NTM: variants seen among roughly 807,000 people sequenced by gnomAD.
NTM encodes neurotrimin.
A neutral mutation model predicts 42.1 loss-of-function variants in NTM; 13 were observed. The observed-to-expected ratio is 0.31, with a 90% CI of 0.20 to 0.49. The LOEUF is 0.49. Among genes scored for constraint, NTM ranks in the 20% least tolerant of loss-of-function variants. The probability of loss-of-function intolerance (pLI) is 0.99; values close to 1 mark genes in which losing one functional copy is unlikely to be tolerated. For synonymous variants in NTM, 187 were observed against 179.2 expected (o/e 1.04, Z -0.35); for missense variants, 373 against 452.8 (o/e 0.82, Z 1.60).
In NTM at chr11:132,334,279, G is replaced by A. The variant is rs78987000; in HGVS notation, c.968-767G>A. On this transcript the variant is annotated intron_variant, in intron 8 of 8. Coordinates refer to ENST00000683400, the MANE Select transcript of NTM (RefSeq NM_001352005.2). The stretch of plus-strand genomic sequence containing the variant: ...TGCAGTTCTCCTGCCTCCTGTGTTT[G>A]TCTCCATCTCCATACACTGGGGCAG... Among the ~76,000 whole-genome samples the A allele has an allele frequency of 1.7e-3, 257 of 152,352 alleles. 1 individual carries two copies. Among genetic ancestry groups the A allele is most frequent in the Middle Eastern group, 3.4e-3 (1 of 294 alleles).
At chr11:132,178,949 A>G (rs965929659) in intron 3 of NTM, among the ~76,000 whole-genome samples, 3 of 152,232 alleles carry the variant, frequency 2.0e-5, no homozygotes, top group African/African-American at 2.4e-5. Flanking sequence ...TCAGTTATTC[A>G]GTTCAAACAA....
intron 2 of NTM, among the ~76,000 whole-genome samples, chr11:132,020,576 T>C (rs961590894): frequency 2.0e-5 from 3 of 152,136 alleles, no homozygotes; most frequent in Admixed American, 6.5e-5. Context: ...TTTAGATTGA[T>C]AGTAACTAAA....
rs186758261 is a variant in NTM, at chr11:132,239,536, T to C, written c.526+27389T>C. On this transcript the variant is annotated intron_variant, in intron 4 of 8. Coordinates refer to ENST00000683400, the MANE Select transcript of NTM (RefSeq NM_001352005.2). ...ATGTTCATCTGCCCAAGCACCACCA[T>C]CATTGCATTTTACTGAGAGAGACAG... Among the ~76,000 whole-genome samples, 25 of 152,340 alleles carry C rather than the reference T, an allele frequency of 1.6e-4. No individual in the cohort carries two copies. In the East Asian group the frequency reaches 4.1e-3, roughly 25 times the overall value.
At chr11:131,640,609 T>G (rs1433067001) in intron 1 of NTM, among the ~76,000 whole-genome samples, 2 of 152,206 alleles carry the variant, frequency 1.3e-5, no homozygotes, top group Non-Finnish European at 2.9e-5. Flanking sequence ...GAGGCCACAC[T>G]TGCAGGATGT....
chr11:132,022,415 C>T (rs934319318), intron 2 of NTM, among the ~76,000 whole-genome samples: 3 of 152,124 alleles, frequency 2.0e-5, no homozygotes, highest in Non-Finnish European at 4.4e-5. Context: ...ATATTTGTAG[C>T]TTTGGGTGAT....
At chr11:131,560,242 G>A (rs1472875099) in intron 1 of NTM, among the ~76,000 whole-genome samples, 1 of 152,132 alleles carries the variant, frequency 6.6e-6, no homozygotes, top group Non-Finnish European at 1.5e-5. Flanking sequence ...CGGAAGGCTA[G>A]GAGGTTTTCC....
chr11:132,124,623 G>A lies in NTM; in HGVS notation c.168-21659G>A, dbSNP rs567903700. Among the ~76,000 whole-genome samples, 89 of 152,298 alleles carry A rather than the reference G, an allele frequency of 5.8e-4. 1 individual carries two copies. The South Asian group carries it at 0.018, about 30-fold the overall frequency. On this transcript the variant is annotated intron_variant, in intron 2 of 8. Transcript: ENST00000683400. ...ATTTTTTGTGTACGTGTGTGTGTGT[G>A]CGCGCGCACGCGCAGGGCGGGGTTG...
At chr11:131,982,136 C>T (rs1593380715) in intron 2 of NTM, among the ~76,000 whole-genome samples, 1 of 152,000 alleles carries the variant, frequency 6.6e-6, no homozygotes, top group Non-Finnish European at 1.5e-5. Context: ...CTAGGTTGCC[C>T]ATCTGCCCAA....
chr11:131,869,364 A>G (rs541679812), intron 1 of NTM, among the ~76,000 whole-genome samples: 75 of 152,302 alleles, frequency 4.9e-4, no homozygotes, highest in Admixed American at 1.4e-3. Context: ...GTGATTTACA[A>G]CAACTCCTTC....
At position 132,003,790 on chromosome 11, in the gene NTM, T is replaced by C. The variant is rs1593608078; in HGVS notation, c.167+92142T>C. Among the ~76,000 whole-genome samples the C allele has an allele frequency of 6.6e-6, 1 of 152,242 alleles. No homozygotes were observed. The highest frequency in any genetic ancestry group is 6.5e-5 in the Admixed American group (1 of 15,282). On this transcript the variant is annotated intron_variant, in intron 2 of 8. Transcript: ENST00000683400. This position sits in a 1 kb window ranked among gnomAD's most constrained non-coding sequence, Gnocchi z 6.0. ...AGAAATCCCTGAGCTTTACTTTTTCTGGACCTGCCACTTACAGAACCAGCT... is the reference window on the plus strand; with the variant it reads ...AGAAATCCCTGAGCTTTACTTTTTCCGGACCTGCCACTTACAGAACCAGCT...
chr11:131,381,600 T>A (rs1482156562), intron 1 of NTM, among the ~76,000 whole-genome samples: 5 of 152,198 alleles, frequency 3.3e-5, no homozygotes, highest in Non-Finnish European at 5.9e-5. Context: ...AATAATTTAA[T>A]AATTAAATCC....
At chr11:131,375,125 TG>T (rs1941783334) in intron 1 of NTM, among the ~76,000 whole-genome samples, 1 of 152,140 alleles carries the variant, frequency 6.6e-6, no homozygotes, top group African/African-American at 2.4e-5. Flanking sequence ...CATAGCTCCA[TG>T]GGGGACATGT....
At chr11:132,143,989 T>A (rs1391431670) in intron 2 of NTM, among the ~76,000 whole-genome samples, 1 of 112,024 alleles carries the variant, frequency 8.9e-6, no homozygotes, top group Non-Finnish European at 2.1e-5. Context: ...TTGGATCAGT[T>A]CAAACTTCAT....
At position 131,722,021 on chromosome 11, in the gene NTM, A is replaced by AAAAAAAAG. The variant is rs368857349; in HGVS notation, c.83-189542_83-189541insAAAAAAGA. Among the ~76,000 whole-genome samples, 4 of 112,746 alleles carry AAAAAAAAG rather than the reference A, an allele frequency of 3.5e-5. 1 individual carries two copies. The highest frequency in any genetic ancestry group is 1.0e-4 in the African/African-American group (3 of 29,372). The allele number at this position is 112,746 out of a possible 152,430, so 74.0% of individuals were successfully genotyped here. A position where few individuals can be genotyped will look rare whatever the true frequency, so the allele number is the denominator to read the frequency against. The stretch of plus-strand genomic sequence containing the variant: ...CAAAAAAAAAAAAAAAAAAAAAAAA[A>AAAAAAAAG]AGAGAGAAAGAAAGAAAATAATGCT... On this transcript the variant is annotated intron_variant, in intron 1 of 8. Coordinates refer to ENST00000683400, the MANE Select transcript of NTM (RefSeq NM_001352005.2).
intron 1 of NTM, among the ~76,000 whole-genome samples, chr11:131,436,670 CTCT>C (rs1161633295): frequency 6.6e-6 from 1 of 152,010 alleles, no homozygotes; most frequent in Admixed American, 6.5e-5. Context: ...TGATTCTTCT[CTCT>C]TTTCTTCTTT....
rs997749388 is a variant in NTM, at chr11:132,167,836, C to T, written c.400+21322C>T. ...AACTATTCTTCCCCCTAGCCAAATA[C>T]GAATCTGAAACAAACTATGACCCAG... On this transcript the variant is annotated intron_variant, in intron 3 of 8. Transcript: ENST00000683400. 8.5e-5 allele frequency among the ~76,000 whole-genome samples: 13 copies of T among 152,274 alleles called. No homozygotes were observed. In the East Asian group the frequency reaches 1.2e-3, roughly 14 times the overall value.
At chr11:132,191,334 C>G (rs2079289520) in intron 3 of NTM, among the ~76,000 whole-genome samples, 1 of 152,178 alleles carries the variant, frequency 6.6e-6, no homozygotes, top group Non-Finnish European at 1.5e-5. Flanking sequence ...AGCCAGTGCT[C>G]AACCTCAAGG....
intron 2 of NTM, among the ~76,000 whole-genome samples, chr11:131,915,152 GC>G (rs1406644717): frequency 3.9e-5 from 6 of 152,178 alleles, no homozygotes; most frequent in African/African-American, 1.4e-4. Context: ...CCCGGTTAAG[GC>G]CTAGAGAGGG....
chr11:131,801,806 C>T (rs73595151), intron 1 of NTM, among the ~76,000 whole-genome samples: 5,551 of 152,116 alleles, frequency 0.036, 336 homozygotes, highest in African/African-American at 0.13. Flanking sequence ...CACGTTCTGA[C>T]GTCCTGTCCT....
Sources: allele counts gnomAD v4.1 joint callset (sites outside exome capture counted in the v4.1 genomes callset), GRCh38; gene constraint gnomAD v4.1.1; non-coding constraint Gnocchi (gnomAD v3.1); transcripts MANE v1.5; gene names NCBI Gene and HGNC (gene_info 2026-07-23, HGNC 2026-07-21).